Variants in ATP8A1 observed in about 807,000 individuals in gnomAD.
ATP8A1 encodes the protein phospholipid-transporting ATPase IA.
ATP8A1 carries 90 observed loss-of-function variants against 177.7 expected under a neutral mutation model. The ratio of observed to expected loss-of-function variants is 0.51; its 90% CI spans 0.43 to 0.60. The LOEUF (loss-of-function observed/expected upper bound fraction) is 0.60, where lower values mean the gene tolerates loss of function less well. ATP8A1 is among the 20% of genes least tolerant of loss of function. The probability of loss-of-function intolerance (pLI) is 0.00; values close to 1 mark genes in which losing one functional copy is unlikely to be tolerated. For synonymous variants in ATP8A1, 493 were observed against 485.9 expected (o/e 1.01, Z -0.19); for missense variants, 1,072 against 1,392.8 (o/e 0.77, Z 3.67).
In ATP8A1 at chr4:42,624,603, T is replaced by C. The variant is rs750002357; in HGVS notation, c.296A>G (p.Tyr99Cys). The C allele has an allele frequency of 1.2e-5, 17 of 1,473,696 alleles. No homozygotes were observed. The highest frequency in any genetic ancestry group is 1.5e-5 in the Non-Finnish European group (17 of 1,107,770). The allele number at this position is 1,473,696 out of a possible 1,614,324, so 91.3% of individuals were successfully genotyped here. A position where few individuals can be genotyped will look rare whatever the true frequency, so the allele number is the denominator to read the frequency against. The stretch of plus-strand genomic sequence containing the variant: ...AAATAAGAGAGGAACCAGTGTTGTA[T>C]AACGACCTGTTGGTGACACATCAGG... ...QIPDVSPTGR[Y>C]TTLVPLLFIL... Residue 99 changes from tyrosine (Y) to cysteine (C), a missense_variant, in exon 4 of 37, where the codon TAT becomes TGT. By Grantham distance (194) the Tyr-to-Cys change is radical. Around this residue, in one of 5 missense-constraint regions of ATP8A1, gnomAD observed 344 missense variants for 393.5 expected, o/e 0.87. Transcript: ENST00000381668.
In ATP8A1 at chr4:42,409,454, G is replaced by A. The variant is rs1239629299; in HGVS notation, c.*3462C>T. The A allele has an allele frequency of 2.0e-5, 3 of 152,070 alleles. No homozygotes were observed. The highest frequency in any genetic ancestry group is 7.2e-5 in the African/African-American group (3 of 41,428). The allele number at this position is 152,070 out of a possible 1,614,324, so 9.4% of individuals were successfully genotyped here. ...TTATAGAAATGTTCATCATTAAAAAGCATTTATTAGGCACTGAACTGCATG... is the reference window on the plus strand; with the variant it reads ...TTATAGAAATGTTCATCATTAAAAAACATTTATTAGGCACTGAACTGCATG... On this transcript the variant is annotated 3_prime_UTR_variant, in exon 37 of 37. Transcript: ENST00000381668.
At chr4:42,558,623 C>CT (rs773554997) in intron 15 of ATP8A1, among the ~76,000 whole-genome samples, 2 of 151,834 alleles carry the variant, frequency 1.3e-5, no homozygotes, top group South Asian at 2.1e-4. Context: ...TGTACTAAGA[C>CT]TTTTTTTTAA....
In ATP8A1 at chr4:42,455,270, T is replaced by C. The variant is rs778629968; in HGVS notation, c.2817+27A>G. Reference sequence around the variant, plus strand: ...GCAGTAAACACAGACCCACCAAACATGTCCCAGCCAGGGCACTGTGTCCTA... The same window carrying C: ...GCAGTAAACACAGACCCACCAAACACGTCCCAGCCAGGGCACTGTGTCCTA... On this transcript the variant is annotated intron_variant, in intron 29 of 36. Transcript: ENST00000381668. 3.1e-6 allele frequency: 5 copies of C among 1,611,812 alleles called. No homozygotes were observed. The East Asian group carries it at 6.7e-5, about 22-fold the overall frequency.
chr4:42,553,318 C>G (rs12642419), intron 16 of ATP8A1, among the ~76,000 whole-genome samples: 1 of 151,938 alleles, frequency 6.6e-6, no homozygotes, highest in Non-Finnish European at 1.5e-5. Flanking sequence ...TCTTACTGCA[C>G]TGGGGTTATA....
At chr4:42,448,414 T>TTTTTTTTTTTTTTTTTTTTTC (rs1560335393) in intron 30 of ATP8A1, among the ~76,000 whole-genome samples, 1 of 142,640 alleles carries the variant, frequency 7.0e-6, no homozygotes, top group Non-Finnish European at 1.5e-5. Flanking sequence ...TTTTTTTTTT[T>TTTTTTTTTTTTTTTTTTTTTC]TGAGATGGAG....
At chr4:42,530,791 T>C (rs1468153058) in intron 20 of ATP8A1, among the ~76,000 whole-genome samples, 1 of 152,178 alleles carries the variant, frequency 6.6e-6, no homozygotes, top group Non-Finnish European at 1.5e-5. Context: ...ATCCAATATA[T>C]GGTACTGTTT....
intron 29 of ATP8A1, among the ~76,000 whole-genome samples, chr4:42,452,986 A>T (rs1718093413): frequency 1.3e-5 from 2 of 152,188 alleles, no homozygotes; most frequent in Admixed American, 1.3e-4. Flanking sequence ...GGATTGTATG[A>T]TCCAATTTAC....
At position 42,412,409 on chromosome 4, in the gene ATP8A1, T is replaced by C. The variant is rs1712724132; in HGVS notation, c.*507A>G. On this transcript the variant is annotated 3_prime_UTR_variant, in exon 37 of 37. Transcript: ENST00000381668. ...TTGGCAAACATTTATCAAGACAATT[T>C]TGGACACAAATGCTTGTTTAGAAAT... The C allele has an allele frequency of 6.6e-6, 1 of 152,240 alleles. No homozygotes were observed. The highest frequency in any genetic ancestry group is 2.4e-5 in the African/African-American group (1 of 41,452). The allele number at this position is 152,240 out of a possible 1,614,324, so 9.4% of individuals were successfully genotyped here.
chr4:42,519,734 A>G (rs114040258), intron 22 of ATP8A1, among the ~76,000 whole-genome samples: 4,582 of 152,304 alleles, frequency 0.03, 226 homozygotes, highest in African/African-American at 0.1. Flanking sequence ...TGAGTAAATG[A>G]CCCAATCTCT....
intron 4 of ATP8A1, among the ~76,000 whole-genome samples, chr4:42,618,066 C>T (rs1222661512): frequency 6.6e-6 from 1 of 152,166 alleles, no homozygotes; most frequent in Non-Finnish European, 1.5e-5. Context: ...TATTTAATAT[C>T]ATCAGTATTA....
In ATP8A1 at chr4:42,548,931, CT is replaced by C. The variant is rs560602543; in HGVS notation, c.1652+81del. The C allele has an allele frequency of 3.7e-4, 410 of 1,108,596 alleles. 1 individual carries two copies. The highest frequency in any genetic ancestry group is 3.3e-3 in the Middle Eastern group (16 of 4,860). The allele number at this position is 1,108,596 out of a possible 1,614,324, so 68.7% of individuals were successfully genotyped here. A position where few individuals can be genotyped will look rare whatever the true frequency, so the allele number is the denominator to read the frequency against. The stretch of plus-strand genomic sequence containing the variant: ...TTTAGTTAAATAAAAACAAAACATA[CT>C]TTCTAGTTATTCAAAAGGGAAAAAA... On this transcript the variant is annotated intron_variant, in intron 19 of 36. Coordinates refer to ENST00000381668, the MANE Select transcript of ATP8A1 (RefSeq NM_006095.2).
At chr4:42,573,921 C>T (rs967709920) in intron 14 of ATP8A1, among the ~76,000 whole-genome samples, 2 of 152,144 alleles carry the variant, frequency 1.3e-5, no homozygotes, top group African/African-American at 4.8e-5. Context: ...GTCAACCAGC[C>T]AGGAGAGTGT....
chr4:42,455,491 A>C (rs367861434), intron 28 of ATP8A1, 34 bp downstream of exon 28: 1 of 1,613,626 alleles, frequency 6.2e-7, no homozygotes. Flanking sequence ...CAAGTATTCA[A>C]TGAAACAGGA....
intron 1 of ATP8A1, among the ~76,000 whole-genome samples, chr4:42,633,761 T>C (rs556406781): frequency 6.3e-4 from 96 of 152,162 alleles, no homozygotes; most frequent in African/African-American, 2.3e-3. Flanking sequence ...TGTGAGCTAT[T>C]TTCATTGTTG....
At chr4:42,509,195 A>G (rs12650104) in intron 22 of ATP8A1, among the ~76,000 whole-genome samples, 47,571 of 152,162 alleles carry the variant, frequency 0.31, 8,786 homozygotes, top group East Asian at 0.57. Flanking sequence ...CCAAGGTATA[A>G]TTATAAAGGC....
intron 22 of ATP8A1, among the ~76,000 whole-genome samples, chr4:42,508,393 G>A (rs973324038): frequency 5.9e-5 from 9 of 152,182 alleles, no homozygotes; most frequent in African/African-American, 1.9e-4. Context: ...CCAAAGTATT[G>A]TGATTAAAGG....
intron 30 of ATP8A1, among the ~76,000 whole-genome samples, chr4:42,449,316 T>A (rs1468249860): frequency 1.3e-5 from 2 of 152,226 alleles, no homozygotes; most frequent in African/African-American, 4.8e-5. Flanking sequence ...CAAGTTTTAA[T>A]AAAAGCATTA....
intron 1 of ATP8A1, chr4:42,637,219 A>G (rs1224985753): frequency 1.9e-6 from 1 of 518,710 alleles, no homozygotes; most frequent in Non-Finnish European, 3.8e-6. Context: ...GCTTAAGAAT[A>G]AGCAGGCTAC....
intron 29 of ATP8A1, 60 bp from the exon 30 acceptor site, chr4:42,452,119 A>T: frequency 2.5e-6 from 3 of 1,212,654 alleles, no homozygotes; most frequent in Non-Finnish European, 3.6e-6. Context: ...GTGAACTCTG[A>T]CCTTTCTTTT....
Sources: allele counts gnomAD v4.1 joint callset (sites outside exome capture counted in the v4.1 genomes callset), GRCh38; gene constraint gnomAD v4.1.1; regional missense constraint gnomAD v4.1.1; transcripts MANE v1.5; gene names NCBI Gene and HGNC (gene_info 2026-07-23, HGNC 2026-07-21).